SAMTOR: variants seen among roughly 807,000 people sequenced by gnomAD.
SAMTOR encodes the protein UPF0532 protein C7orf60.
the SAMTOR span, among the ~76,000 whole-genome samples, chr7:112,885,520 T>C: frequency 6.6e-6 from 1 of 152,182 alleles, no homozygotes; most frequent in Non-Finnish European, 1.5e-5. Flanking sequence ...AGGAGCAAAA[T>C]GCTGCCAGTC....
At chr7:112,893,707 T>A in the SAMTOR span, among the ~76,000 whole-genome samples, 5 of 152,318 alleles carry the variant, frequency 3.3e-5, no homozygotes, top group South Asian at 1.0e-3. Context: ...ATCCAGACCG[T>A]CCTGGCCAAC....
the SAMTOR span, among the ~76,000 whole-genome samples, chr7:112,912,662 T>C: frequency 6.6e-6 from 1 of 152,066 alleles, no homozygotes; most frequent in Non-Finnish European, 1.5e-5. Flanking sequence ...TAACTTCTCT[T>C]AGTATTACTT....
the SAMTOR span, among the ~76,000 whole-genome samples, chr7:112,823,611 C>T: frequency 6.6e-6 from 1 of 152,178 alleles, no homozygotes; most frequent in Non-Finnish European, 1.5e-5. Flanking sequence ...TTGGTTATTA[C>T]ATTTCAAGCT....
At chr7:112,851,243 C>G in the SAMTOR span, among the ~76,000 whole-genome samples, 1 of 152,098 alleles carries the variant, frequency 6.6e-6, no homozygotes, top group Non-Finnish European at 1.5e-5. Context: ...CTAGCCAAAG[C>G]AATCCTAAGC....
At chr7:112,890,464 A>G in the SAMTOR span, among the ~76,000 whole-genome samples, 1 of 151,846 alleles carries the variant, frequency 6.6e-6, no homozygotes, top group Non-Finnish European at 1.5e-5. Context: ...TAACGCTTGT[A>G]GGGGAAAAAA....
chr7:112,835,563 G>A, the SAMTOR span, among the ~76,000 whole-genome samples: 5 of 152,080 alleles, frequency 3.3e-5, no homozygotes, highest in South Asian at 2.1e-4. Flanking sequence ...GGAGTTTGGT[G>A]TACTGATTAT....
At chr7:112,875,150 T>C in the SAMTOR span, among the ~76,000 whole-genome samples, 6 of 152,140 alleles carry the variant, frequency 3.9e-5, no homozygotes, top group African/African-American at 1.4e-4. Flanking sequence ...CCTGTGCTTA[T>C]AAAACCTGAC....
At chr7:112,934,210 A>G in the SAMTOR span, among the ~76,000 whole-genome samples, 1 of 152,004 alleles carries the variant, frequency 6.6e-6, no homozygotes, top group Admixed American at 6.6e-5. Context: ...TCTTCTTCCA[A>G]ACTCTAACTA....
chr7:112,914,276 G>T, the SAMTOR span, among the ~76,000 whole-genome samples: 7 of 130,988 alleles, frequency 5.3e-5, no homozygotes, highest in East Asian at 4.3e-4. Flanking sequence ...TTAGCCTCTA[G>T]TTTTTTTTTT....
At chr7:112,866,747 T>C in the SAMTOR span, among the ~76,000 whole-genome samples, 1 of 152,208 alleles carries the variant, frequency 6.6e-6, no homozygotes, top group Non-Finnish European at 1.5e-5. Context: ...ACCTCCATTC[T>C]CCACTATAGG....
chr7:112,887,662 G>C, the SAMTOR span, among the ~76,000 whole-genome samples: 1 of 152,274 alleles, frequency 6.6e-6, no homozygotes, highest in East Asian at 1.9e-4. Flanking sequence ...CTCCTTGTCT[G>C]AGTTTTAGTA....
chr7:112,896,086 G>A, the SAMTOR span, among the ~76,000 whole-genome samples: 1 of 152,182 alleles, frequency 6.6e-6, no homozygotes, highest in Non-Finnish European at 1.5e-5. Flanking sequence ...AGGAATAGTA[G>A]TTGCAGTTAA....
the SAMTOR span, among the ~76,000 whole-genome samples, chr7:112,918,920 C>A: frequency 3.2e-4 from 48 of 152,256 alleles, no homozygotes; most frequent in African/African-American, 1.1e-3. Flanking sequence ...TATATGCACC[C>A]AAGACAGGAG....
chr7:112,860,949 A>T, the SAMTOR span, among the ~76,000 whole-genome samples: 1 of 150,098 alleles, frequency 6.7e-6, no homozygotes, highest in Admixed American at 6.6e-5. Context: ...AACAGATTTG[A>T]TACTTCTCTT....
the SAMTOR span, among the ~76,000 whole-genome samples, chr7:112,860,351 C>T: frequency 6.6e-6 from 1 of 152,122 alleles, no homozygotes; most frequent in East Asian, 1.9e-4. Flanking sequence ...TTCTGTTCCT[C>T]TGGAGAACCC....
At chr7:112,909,847 TTGAA>T in the SAMTOR span, among the ~76,000 whole-genome samples, 27 of 151,050 alleles carry the variant, frequency 1.8e-4, no homozygotes, top group African/African-American at 6.3e-4. Flanking sequence ...AGGAATTTGA[TTGAA>T]TATTTATATA....
the SAMTOR span, among the ~76,000 whole-genome samples, chr7:112,938,077 T>G: frequency 6.6e-6 from 1 of 152,146 alleles, no homozygotes; most frequent in East Asian, 1.9e-4. Flanking sequence ...CAGGATAAAT[T>G]GCAGGAAAAT....
At chr7:112,825,111 C>G in the SAMTOR span, among the ~76,000 whole-genome samples, 1 of 152,098 alleles carries the variant, frequency 6.6e-6, no homozygotes, top group Non-Finnish European at 1.5e-5. Context: ...AACCTCCACC[C>G]TCTGGGCTCA....
chr7:112,835,553 G>A, the SAMTOR span, among the ~76,000 whole-genome samples: 47 of 152,098 alleles, frequency 3.1e-4, no homozygotes, highest in East Asian at 3.7e-3. Flanking sequence ...ACGTGTCTCA[G>A]GAGTTTGGTG....
Sources: gnomAD v4.1 joint callset for allele counts (sites outside exome capture counted in the v4.1 genomes callset) on GRCh38, gnomAD v4.1.1 for gene constraint, MANE v1.5 for transcripts, NCBI Gene and HGNC (gene_info 2026-07-23, HGNC 2026-07-21) for gene names.